PROM2: variants seen among roughly 807,000 people sequenced by gnomAD.
The protein encoded by PROM2 is prominin 2, also known as prominin-2.
PROM2 carries 90 observed loss-of-function variants against 110.2 expected under a neutral mutation model. The observed-to-expected ratio is 0.82, with a 90% CI of 0.69 to 0.97. The LOEUF (loss-of-function observed/expected upper bound fraction) is 0.97. Among genes scored for constraint, PROM2 ranks in the 50% least tolerant of loss-of-function variants. The probability of loss-of-function intolerance (pLI) is 0.00; values close to 1 mark genes in which losing one functional copy is unlikely to be tolerated. For missense variants in PROM2, 1,009 were observed against 1,074.8 expected (o/e 0.94, Z 0.86); for synonymous variants, 470 against 467.8 (o/e 1.00, Z -0.06).
chr2:95,285,188 G>A, intron 15 of PROM2, 73 bp downstream of exon 15: 4 of 1,431,278 alleles, frequency 2.8e-6, no homozygotes, highest in Admixed American at 2.6e-5. Flanking sequence ...AGAGGAGCTG[G>A]GTGTGCATCT....
chr2:95,287,002 TG>T, intron 18 of PROM2, 130 bp from the exon 19 acceptor site: 2 of 1,257,818 alleles, frequency 1.6e-6, no homozygotes, highest in Non-Finnish European at 2.3e-6. Flanking sequence ...CAGCAGAGCC[TG>T]GGGGATCACC....
chr2:95,281,005 C>T (rs1457972075), intron 11 of PROM2, among the ~76,000 whole-genome samples: 3 of 152,194 alleles, frequency 2.0e-5, no homozygotes, highest in African/African-American at 7.2e-5. Flanking sequence ...CTGCCAGGGC[C>T]AGCCAGGGAA....
chr2:95,284,282 C>T (rs575061626), intron 14 of PROM2, among the ~76,000 whole-genome samples: 1 of 152,258 alleles, frequency 6.6e-6, no homozygotes, highest in South Asian at 2.1e-4. Flanking sequence ...ATTACTTGAG[C>T]CTAGGAGTTC....
intron 11 of PROM2, 47 bp from the exon 12 acceptor site, chr2:95,281,195 G>A (rs113783015): frequency 6.3e-7 from 1 of 1,599,216 alleles, no homozygotes; most frequent in Non-Finnish European, 8.5e-7. Context: ...TATGGTCAGG[G>A]CAGCCAGTCC....
chr2:95,287,477 T>C lies in PROM2; in HGVS notation c.2244+13T>C. On this transcript the variant is annotated intron_variant, in intron 20 of 23. Coordinates refer to ENST00000317620, the MANE Select transcript of PROM2 (RefSeq NM_001165978.3). Reference sequence around the variant, plus strand: ...GGTGAGAGAGGAGGTGAGTGGGGCCTCAGAAGCAATGACTGATTCCCTGCT... The same window carrying C: ...GGTGAGAGAGGAGGTGAGTGGGGCCCCAGAAGCAATGACTGATTCCCTGCT... The C allele has an allele frequency of 6.2e-7, 1 of 1,612,364 alleles. No homozygotes were observed. Among genetic ancestry groups the C allele is most frequent in the South Asian group, 1.1e-5 (1 of 91,016 alleles).
intron 20 of PROM2, among the ~76,000 whole-genome samples, chr2:95,287,752 C>T (rs1368919996): frequency 2.6e-5 from 4 of 152,244 alleles, no homozygotes; most frequent in Non-Finnish European, 5.9e-5. Flanking sequence ...GCCCTTTCCC[C>T]AGCTTGTCCA....
Position 95,289,497 on chromosome 2 carries a change from A to C in PROM2, c.*284A>C. On this transcript the variant is annotated 3_prime_UTR_variant, in exon 24 of 24. Transcript: ENST00000317620. ...TTACCCCCATGCTGGTGGCATCCTCACAGGAAGAGCCTGTTCTCCACCTGC... is the reference window on the plus strand; with the variant it reads ...TTACCCCCATGCTGGTGGCATCCTCCCAGGAAGAGCCTGTTCTCCACCTGC... 1 of 155,044 alleles carries C rather than the reference A, an allele frequency of 6.4e-6. No homozygotes were observed. Among genetic ancestry groups the C allele is most frequent in the African/African-American group, 2.5e-5 (1 of 39,636 alleles). 9.6% of individuals were successfully genotyped at this position (155,044 alleles called of 1,614,324 possible).
chr2:95,288,038 G>A (rs920971439), intron 20 of PROM2, among the ~76,000 whole-genome samples, 173 bp from the exon 21 acceptor site: 1 of 152,200 alleles, frequency 6.6e-6, no homozygotes, highest in Non-Finnish European at 1.5e-5. Flanking sequence ...TGTAGAGTAT[G>A]TCCGCATCTG....
At chr2:95,289,201 G>C in intron 23 of PROM2, 23 bp from the exon 24 acceptor site, 2 of 595,436 alleles carry the variant, frequency 3.4e-6, no homozygotes, top group Non-Finnish European at 6.0e-6. Flanking sequence ...CCCTTCACCC[G>C]TTTCCTTCTT....
intron 10 of PROM2, among the ~76,000 whole-genome samples, chr2:95,279,375 C>T (rs1338478177): frequency 5.3e-5 from 8 of 151,606 alleles, no homozygotes; most frequent in Non-Finnish European, 1.0e-4. Context: ...TGGGTCACTG[C>T]AACCTCTGCC....
At position 95,288,547 on chromosome 2, in the gene PROM2, T is replaced by C. The variant is rs757535479; in HGVS notation, c.2399T>C (p.Val800Ala). Residue 800 changes from valine to alanine, a missense_variant, in exon 22 of 24, where the codon GTC becomes GCC. Val to Ala is a moderately conservative substitution (Grantham distance 64). Coordinates refer to ENST00000317620, the MANE Select transcript of PROM2 (RefSeq NM_001165978.3). ...CTGATCCCCAGCATCATCTTTGCCG[T>C]CAAGACCTCCAAATACTTCCGTCCT... ...FFLIPSIIFA[V>A]KTSKYFRPIR... 1 of 1,614,194 alleles carries C rather than the reference T, an allele frequency of 6.2e-7. No homozygotes were observed. The highest frequency in any genetic ancestry group is 8.5e-7 in the Non-Finnish European group (1 of 1,180,022).
chr2:95,286,113 G>A (rs1172689750), intron 16 of PROM2, among the ~76,000 whole-genome samples: 1 of 152,220 alleles, frequency 6.6e-6, no homozygotes, highest in African/African-American at 2.4e-5. Context: ...AGTTGCCCTT[G>A]AGGGGAAAAA....
chr2:95,280,233 C>A (rs948041178), intron 11 of PROM2, among the ~76,000 whole-genome samples: 1 of 152,184 alleles, frequency 6.6e-6, no homozygotes, highest in African/African-American at 2.4e-5. Flanking sequence ...GTCCCTACCC[C>A]AGCTTCCAGG....
In PROM2 at chr2:95,289,312, G is replaced by GGCATCC; in HGVS notation, c.*100_*105dup. On this transcript the variant is annotated 3_prime_UTR_variant, in exon 24 of 24. Coordinates refer to ENST00000317620, the MANE Select transcript of PROM2 (RefSeq NM_001165978.3). ...TAGCTCTTGCCCCAGAGCCCAGGCTGGCATCCAGGCCTGGACTGTCCCCAG... is the reference window on the plus strand; with the variant it reads ...TAGCTCTTGCCCCAGAGCCCAGGCTGGCATCCGCATCCAGGCCTGGACTGTCCCCAG... 2.2e-6 allele frequency: 1 copy of GGCATCC among 446,238 alleles called. No individual in the cohort carries two copies. Among genetic ancestry groups the GGCATCC allele is most frequent in the East Asian group, 4.4e-5 (1 of 22,662 alleles). The allele number at this position is 446,238 out of a possible 1,614,324, so 27.6% of individuals were successfully genotyped here.
chr2:95,284,490 G>A (rs943149981), intron 14 of PROM2, among the ~76,000 whole-genome samples: 6 of 151,250 alleles, frequency 4.0e-5, no homozygotes, highest in Non-Finnish European at 5.9e-5. Flanking sequence ...GACCCTGTCC[G>A]CTTCCCCAAC....
At position 95,274,631 on chromosome 2, in the gene PROM2, C is replaced by T. The variant is rs2104567050; in HGVS notation, c.46C>T (p.Leu16=). The T allele has an allele frequency of 1.2e-6, 2 of 1,607,218 alleles. No homozygotes were observed. Among genetic ancestry groups the T allele is most frequent in the East Asian group, 2.2e-5 (1 of 44,684 alleles). Residue 16 remains leucine, a synonymous_variant, in exon 1 of 24, where the codon CTG becomes TTG. Coordinates refer to ENST00000317620, the MANE Select transcript of PROM2 (RefSeq NM_001165978.3). ...GCTGGCTCCCCTGCTGGGCCTGGGCCTGGGGCTGGCCCTGAGTCAGCTGGC... is the reference window on the plus strand; with the variant it reads ...GCTGGCTCCCCTGCTGGGCCTGGGCTTGGGGCTGGCCCTGAGTCAGCTGGC... ...ALLAPLLGLG[L]GLALSQLAAG... is the part of the protein sequence containing the mutation.
chr2:95,280,517 C>T (rs1349348970), intron 11 of PROM2, among the ~76,000 whole-genome samples: 2 of 152,242 alleles, frequency 1.3e-5, no homozygotes, highest in Non-Finnish European at 2.9e-5. Context: ...GGATTCTGCC[C>T]TGTCGGCAGG....
At chr2:95,285,301 G>A (rs1251488901) in intron 15 of PROM2, among the ~76,000 whole-genome samples, 186 bp downstream of exon 15, 1 of 152,084 alleles carries the variant, frequency 6.6e-6, no homozygotes, top group Non-Finnish European at 1.5e-5. Context: ...CCACCACCCC[G>A]GTCACACAGG....
rs79481342 is a variant in PROM2 at position 95,281,901 on chromosome 2, C to T, written c.1552-24C>T. 13,387 of 1,590,414 alleles carry T rather than the reference C, an allele frequency of 8.4e-3. 75 individuals are homozygous for T. The highest frequency in any genetic ancestry group is 0.01 in the Non-Finnish European group (12,091 of 1,158,804). ...CCTTGCCCCCACCCCGCTCTGTGCCCATTTCTCACTGCCCCATCCCCAGTT... is the reference window on the plus strand; with the variant it reads ...CCTTGCCCCCACCCCGCTCTGTGCCTATTTCTCACTGCCCCATCCCCAGTT... On this transcript the variant is annotated intron_variant, in intron 12 of 23. Coordinates refer to ENST00000317620, the MANE Select transcript of PROM2 (RefSeq NM_001165978.3).
Sources: gnomAD v4.1 joint callset for allele counts (sites outside exome capture counted in the v4.1 genomes callset) on GRCh38, gnomAD v4.1.1 for gene constraint, MANE v1.5 for transcripts, NCBI Gene and HGNC (gene_info 2026-07-23, HGNC 2026-07-21) for gene names.